Variants in WWP1 observed in about 807,000 individuals in gnomAD.
WWP1 encodes the protein NEDD4-like E3 ubiquitin-protein ligase WWP1.
A neutral mutation model predicts 130.6 loss-of-function variants in WWP1; 49 were observed. The observed-to-expected ratio is 0.38, with a 90% CI of 0.30 to 0.48. The LOEUF (loss-of-function observed/expected upper bound fraction) is 0.48. WWP1 is among the 20% of genes least tolerant of loss of function. The probability of loss-of-function intolerance (pLI) is 0.99; values close to 1 mark genes in which losing one functional copy is unlikely to be tolerated. For missense variants in WWP1, 809 were observed against 1,100.6 expected, an observed-to-expected ratio of 0.74 and a Z score of 3.75; for synonymous variants, 332 against 367.8, an observed-to-expected ratio of 0.90 and a Z score of 1.11.
Position 86,466,851 on chromosome 8 carries a change from T to G in WWP1, c.2727T>G (p.Leu909=). The change falls in exon 25 of 25, where the codon CTT becomes CTG. Residue 909 remains leucine (L), a synonymous_variant. Coordinates refer to ENST00000517970, the MANE Select transcript of WWP1 (RefSeq NM_007013.4). ...GTTATGAACAACTAAAGGAAAAACT[T>G]CTTTTTGCAATAGAAGAGACAGAGG... is the stretch of plus-strand genomic sequence containing the variant. ...YKSYEQLKEK[L]LFAIEETEGF... is the part of the protein sequence containing the mutation. The G allele has an allele frequency of 2.5e-6, 4 of 1,606,662 alleles. No homozygotes were observed. Among genetic ancestry groups the G allele is most frequent in the Non-Finnish European group, 3.4e-6 (4 of 1,178,248 alleles).
intron 9 of WWP1, among the ~76,000 whole-genome samples, chr8:86,412,569 A>C (rs534181053): frequency 1.3e-5 from 2 of 152,306 alleles, no homozygotes; most frequent in South Asian, 4.1e-4. Flanking sequence ...GTATATATGG[A>C]CACGTGCTTT....
In WWP1 at chr8:86,398,597, C is replaced by T. The variant is rs373736886; in HGVS notation, c.498C>T (p.Ala166=). ...TAGAAATACAGGAAAATGGTGATGC[C>T]TTACATGAAAATGGAGAGCCTTCAG... ...PTIEIQENGD[A]LHENGEPSAR... Residue 166 remains alanine, a synonymous_variant, in exon 7 of 25, where the codon GCC becomes GCT. Transcript: ENST00000517970. The T allele has an allele frequency of 5.6e-6, 9 of 1,612,744 alleles. No individual in the cohort carries two copies. The African/African-American group carries it at 1.2e-4, about 22-fold the overall frequency.
chr8:86,427,871 T>G, intron 11 of WWP1, 54 bp downstream of exon 11: 1 of 1,532,818 alleles, frequency 6.5e-7, no homozygotes, highest in Non-Finnish European at 8.8e-7. Context: ...GGTGTTTCTT[T>G]CTTTTTTTTT....
intron 21 of WWP1, among the ~76,000 whole-genome samples, chr8:86,456,325 C>T (rs1480764822): frequency 1.3e-5 from 2 of 151,856 alleles, no homozygotes; most frequent in East Asian, 3.9e-4. Context: ...AAAAAGCAAC[C>T]TACACCCTGG....
intron 18 of WWP1, among the ~76,000 whole-genome samples, chr8:86,443,988 T>G (rs1810730550): frequency 6.6e-6 from 1 of 152,336 alleles, no homozygotes; most frequent in South Asian, 2.1e-4. Flanking sequence ...CTGATCTAAC[T>G]AACATGATCT....
intron 5 of WWP1, among the ~76,000 whole-genome samples, chr8:86,391,118 A>G (rs1807311151): frequency 6.6e-6 from 1 of 152,080 alleles, no homozygotes. Flanking sequence ...AACATAAATT[A>G]TTTGTATTGT....
At chr8:86,344,959 G>C (rs191184165) in intron 1 of WWP1, among the ~76,000 whole-genome samples, 324 of 152,256 alleles carry the variant, frequency 2.1e-3, no homozygotes, top group African/African-American at 7.0e-3. Context: ...ATTTTGAATT[G>C]GGAGTGAAAC....
chr8:86,459,332 G>T (rs762313384), intron 22 of WWP1, among the ~76,000 whole-genome samples: 6 of 151,890 alleles, frequency 4.0e-5, no homozygotes, highest in Non-Finnish European at 1.5e-5. Context: ...CACCATGCCC[G>T]GCTTTTCTTT....
chr8:86,397,413 A>C (rs1487528204), intron 5 of WWP1, among the ~76,000 whole-genome samples: 1 of 95,750 alleles, frequency 1.0e-5, no homozygotes, highest in African/African-American at 5.0e-5. Context: ...AATTAAACCA[A>C]ACTTATTAAC....
chr8:86,461,675 C>G lies in WWP1; in HGVS notation c.2597-99C>G, dbSNP rs1811773308. On this transcript the variant is annotated intron_variant, in intron 23 of 24. Coordinates refer to ENST00000517970, the MANE Select transcript of WWP1 (RefSeq NM_007013.4). ...CATTGTGAATTTCTTTATTTTGTAT[C>G]ATTCATATGACTGTGCAACATGTTC... The G allele has an allele frequency of 3.2e-6, 3 of 930,318 alleles. No individual in the cohort carries two copies. The African/African-American group carries it at 5.0e-5, about 15-fold the overall frequency. The allele number at this position is 930,318 out of a possible 1,614,324, so 57.6% of individuals were successfully genotyped here.
intron 9 of WWP1, among the ~76,000 whole-genome samples, chr8:86,418,640 A>C (rs896224971): frequency 2.0e-5 from 3 of 152,174 alleles, no homozygotes; most frequent in African/African-American, 7.2e-5. Flanking sequence ...TGAATGTTTG[A>C]GAAACCCTAA....
chr8:86,462,927 G>A (rs1266916488), intron 24 of WWP1, among the ~76,000 whole-genome samples: 1 of 151,674 alleles, frequency 6.6e-6, no homozygotes, highest in Non-Finnish European at 1.5e-5. Context: ...TCTTTATGAA[G>A]CAGTAAAAAT....
At chr8:86,389,535 G>T (rs1277499158) in intron 5 of WWP1, among the ~76,000 whole-genome samples, 1 of 152,180 alleles carries the variant, frequency 6.6e-6, no homozygotes, top group Non-Finnish European at 1.5e-5. Flanking sequence ...GAACAAAATG[G>T]AGTCTCTTAT....
At chr8:86,399,038 A>G (rs1281233380) in intron 7 of WWP1, among the ~76,000 whole-genome samples, 1 of 152,164 alleles carries the variant, frequency 6.6e-6, no homozygotes, top group East Asian at 1.9e-4. Context: ...GCCATTTTCT[A>G]TAAATGGATT....
chr8:86,464,362 T>A (rs1811922997), intron 24 of WWP1, among the ~76,000 whole-genome samples: 1 of 152,080 alleles, frequency 6.6e-6, no homozygotes, highest in Middle Eastern at 3.2e-3. Flanking sequence ...TTTCCACTAT[T>A]TTTTTTGGAA....
At chr8:86,466,638 G>A (rs1812171949) in intron 24 of WWP1, among the ~76,000 whole-genome samples, 156 bp from the exon 25 acceptor site, 1 of 150,874 alleles carries the variant, frequency 6.6e-6, no homozygotes. Context: ...TTATATGTAA[G>A]TCTTAAATTT....
chr8:86,421,482 T>A (rs745538674), intron 9 of WWP1, among the ~76,000 whole-genome samples: 5 of 123,060 alleles, frequency 4.1e-5, no homozygotes, highest in Non-Finnish European at 6.8e-5. Context: ...AATAAAAAAA[T>A]AAATTTAATT....
At chr8:86,372,483 T>G (rs1006671785) in intron 2 of WWP1, among the ~76,000 whole-genome samples, 3 of 152,230 alleles carry the variant, frequency 2.0e-5, no homozygotes, top group African/African-American at 7.2e-5. Context: ...TGCCCCTGTC[T>G]CTTAAGAAAT....
chr8:86,411,904 C>G (rs1332706462), intron 9 of WWP1, 30 bp downstream of exon 9: 3 of 1,545,724 alleles, frequency 1.9e-6, no homozygotes, highest in Middle Eastern at 1.7e-4. Context: ...GTCTGACTTG[C>G]ATTTAAGTAG....
Sources: gnomAD v4.1 joint callset for allele counts (sites outside exome capture counted in the v4.1 genomes callset) on GRCh38, gnomAD v4.1.1 for gene constraint, MANE v1.5 for transcripts, NCBI Gene and HGNC (gene_info 2026-07-23, HGNC 2026-07-21) for gene names.